Variants in ADCY5 observed in about 807,000 individuals in gnomAD.
ADCY5 encodes the protein adenylate cyclase type 5.
Under a neutral mutation model 119.7 loss-of-function variants are expected in ADCY5, and 30 were observed. The ratio of observed to expected loss-of-function variants is 0.25; its 90% CI spans 0.19 to 0.34. The LOEUF is 0.34. Among genes scored for constraint, ADCY5 ranks in the 10% least tolerant of loss-of-function variants. The probability of loss-of-function intolerance (pLI) is 1.00; values close to 1 mark genes in which losing one functional copy is unlikely to be tolerated. For synonymous variants in ADCY5, 753 were observed against 762.2 expected, an observed-to-expected ratio of 0.99 and a Z score of 0.20; for missense variants, 1,324 against 1,775.2, an observed-to-expected ratio of 0.75 and a Z score of 4.57.
intron 1 of ADCY5, among the ~76,000 whole-genome samples, chr3:123,389,701 A>G (rs937555779): frequency 6.6e-6 from 1 of 152,156 alleles, no homozygotes; most frequent in Non-Finnish European, 1.5e-5. Context: ...AGAAAAACCT[A>G]TAACTTTCCC....
Position 123,289,877 on chromosome 3 carries a change from G to A in ADCY5, c.3405C>T (p.Leu1135=), listed in dbSNP as rs1939034089. 1 of 1,614,112 alleles carries A rather than the reference G, an allele frequency of 6.2e-7. No individual in the cohort carries two copies. Among genetic ancestry groups the A allele is most frequent in the African/African-American group, 1.3e-5 (1 of 74,934 alleles). The change falls in exon 19 of 21, where the codon CTC becomes CTT. Residue 1135 remains leucine (L), a synonymous_variant. Transcript: ENST00000462833. ...CCACCTTGTCGTAGGTAGAGTCGTT[G>A]AGGCCGGAGGCAGCCATGTAGGTGC... ...IGSTYMAASG[L]NDSTYDKVGK... is the part of the protein sequence containing the mutation.
At chr3:123,393,564 T>TTAAAATAAAATAAAATAAAA (rs58733977) in intron 1 of ADCY5, among the ~76,000 whole-genome samples, 4,179 of 143,466 alleles carry the variant, frequency 0.029, 138 homozygotes, top group East Asian at 0.083. Context: ...TTCTAAAAAA[T>TTAAAATAAAATAAAATAAAA]TAAAATAAAA....
At chr3:123,304,756 C>A (rs1940106516) in intron 12 of ADCY5, among the ~76,000 whole-genome samples, 1 of 152,150 alleles carries the variant, frequency 6.6e-6, no homozygotes, top group Non-Finnish European at 1.5e-5. Flanking sequence ...CCATTTCCCT[C>A]ATTCTCTCCT....
intron 3 of ADCY5, among the ~76,000 whole-genome samples, chr3:123,333,888 AC>A (rs1941898975): frequency 6.6e-6 from 1 of 152,094 alleles, no homozygotes; most frequent in Non-Finnish European, 1.5e-5. Context: ...CCTACAAGAA[AC>A]ACAGTAAAAG....
intron 1 of ADCY5, among the ~76,000 whole-genome samples, chr3:123,399,686 T>C (rs921200794): frequency 3.9e-5 from 6 of 152,232 alleles, no homozygotes; most frequent in African/African-American, 1.2e-4. Flanking sequence ...CCTCCAATTA[T>C]TTCTGGAACA....
rs568773670 is a variant in ADCY5, at chr3:123,338,672, C to T, written c.1407-5997G>A. 1.1e-4 allele frequency among the ~76,000 whole-genome samples: 17 copies of T among 152,350 alleles called. No homozygotes were observed. In the South Asian group the frequency reaches 3.5e-3, roughly 32 times the overall value. Reference sequence around the variant, plus strand: ...GGCCACCCTGGCTGTGCACGCTTCCCTAATTGCCTGCCATCCATCACTCAC... The same window carrying T: ...GGCCACCCTGGCTGTGCACGCTTCCTTAATTGCCTGCCATCCATCACTCAC... On this transcript the variant is annotated intron_variant, in intron 3 of 20. Transcript: ENST00000462833.
At chr3:123,367,949 G>C in intron 1 of ADCY5, 1 of 1,535,902 alleles carries the variant, frequency 6.5e-7, no homozygotes, top group Non-Finnish European at 8.7e-7. Flanking sequence ...TCTTCCGTGG[G>C]ACAGGCCTGG....
chr3:123,396,395 GA>G (rs1165895938), intron 1 of ADCY5, among the ~76,000 whole-genome samples: 1 of 114,678 alleles, frequency 8.7e-6, no homozygotes, highest in African/African-American at 3.4e-5. Context: ...GGGAAAGAGA[GA>G]AAAAGAAAGA....
Position 123,430,472 on chromosome 3 carries a change from G to A in ADCY5, c.1134+16940C>T, listed in dbSNP as rs112033456. ...GCCAGTGAAATCACCCCGAGGCCTC[G>A]GAGAAGGAGGACCGAAATCAGCCCC... On this transcript the variant is annotated intron_variant, in intron 1 of 20. Transcript: ENST00000462833. 3.0e-4 allele frequency among the ~76,000 whole-genome samples: 45 copies of A among 152,284 alleles called. 3 individuals are homozygous for A. The highest frequency in any genetic ancestry group is 1.0e-3 in the African/African-American group (42 of 41,550).
At chr3:123,396,047 AGAGAGGGAGGGAGGGTGGGAGG>A in intron 1 of ADCY5, among the ~76,000 whole-genome samples, 5 of 76,288 alleles carry the variant, frequency 6.6e-5, no homozygotes, top group Admixed American at 1.3e-4. Flanking sequence ...GGAGGGAGGG[AGAGAGGGAGGGAGGGTGGGAGG>A]GAGAGGGAGG....
chr3:123,420,781 C>T (rs766998639), intron 1 of ADCY5, among the ~76,000 whole-genome samples: 6 of 152,190 alleles, frequency 3.9e-5, no homozygotes, highest in Admixed American at 1.3e-4. Context: ...GCATAAACAA[C>T]GGAAATCTAT....
intron 2 of ADCY5, among the ~76,000 whole-genome samples, chr3:123,349,266 C>T (rs1269878595): frequency 6.6e-6 from 1 of 152,212 alleles, no homozygotes; most frequent in Non-Finnish European, 1.5e-5. Flanking sequence ...CCAGTGCCAA[C>T]ATCCTGCCCA....
At chr3:123,387,284 T>C (rs1320902418) in intron 1 of ADCY5, among the ~76,000 whole-genome samples, 1 of 152,202 alleles carries the variant, frequency 6.6e-6, no homozygotes, top group Non-Finnish European at 1.5e-5. Context: ...TTTTAATACA[T>C]TTACCTCCTT....
rs563265766 is a variant in ADCY5, at chr3:123,286,868, C to A, written c.3533-59G>T. 5 of 1,527,706 alleles carry A rather than the reference C, an allele frequency of 3.3e-6. No homozygotes were observed. The African/African-American group carries it at 6.9e-5, about 21-fold the overall frequency. The allele number at this position is 1,527,706 out of a possible 1,614,324, so 94.6% of individuals were successfully genotyped here. On this transcript the variant is annotated intron_variant, in intron 19 of 20. Coordinates refer to ENST00000462833, the MANE Select transcript of ADCY5 (RefSeq NM_183357.3). The surrounding 1 kb of genome is among the most constrained non-coding windows in gnomAD (Gnocchi z 4.2). ...ATCTCTGGCTTGACCTTGCCACCAT[C>A]TGTCTCCCCACATGCTGCAGGTCCT...
Position 123,300,175 on chromosome 3 carries a change from C to G in ADCY5, c.2845G>C (p.Val949Leu). ...TTGTCGAAGAGCGTGACACCTGGCA[C>G]CTCCACGATGAGCACGTAGATGAGC... ...IELIYVLIVE[V>L]PGVTLFDNAD... is the part of the protein sequence containing the mutation. The change falls in exon 15 of 21, where the codon GTG becomes CTG. Residue 949 changes from valine to leucine, a missense_variant. Val to Leu is a conservative substitution (Grantham distance 32, BLOSUM62 1). This residue lies in a region of ADCY5 where 424 missense variants were observed against 546.8 expected (regional missense o/e 0.78). Transcript: ENST00000462833. The G allele has an allele frequency of 6.2e-7, 1 of 1,613,888 alleles. No homozygotes were observed. Among genetic ancestry groups the G allele is most frequent in the South Asian group, 1.1e-5 (1 of 91,082 alleles).
chr3:123,375,405 A>G (rs1943790619), intron 1 of ADCY5, among the ~76,000 whole-genome samples: 1 of 152,268 alleles, frequency 6.6e-6, no homozygotes, highest in Non-Finnish European at 1.5e-5. Flanking sequence ...GGGCACTGGC[A>G]GGGCATGCTT....
At chr3:123,325,190 C>G (rs778363050) in intron 8 of ADCY5, 132 bp downstream of exon 8, 6 of 1,237,744 alleles carry the variant, frequency 4.8e-6, no homozygotes, top group Non-Finnish European at 6.7e-6. Flanking sequence ...TGGGGCAAAC[C>G]GCACTTGTAT....
At chr3:123,287,825 G>A (rs1352690751) in intron 19 of ADCY5, among the ~76,000 whole-genome samples, 1 of 152,138 alleles carries the variant, frequency 6.6e-6, no homozygotes, top group African/African-American at 2.4e-5. Flanking sequence ...TGTAGGAGGG[G>A]AGCTGCCACA....
At chr3:123,328,862 G>A (rs1941621366) in intron 5 of ADCY5, 60 bp from the exon 6 acceptor site, 7 of 1,547,104 alleles carry the variant, frequency 4.5e-6, no homozygotes, top group Non-Finnish European at 6.2e-6. Context: ...ACAGAATGGG[G>A]GTGAGGCTGC....
Sources: allele counts gnomAD v4.1 joint callset (sites outside exome capture counted in the v4.1 genomes callset), GRCh38; gene constraint gnomAD v4.1.1; regional missense constraint gnomAD v4.1.1; non-coding constraint Gnocchi (gnomAD v3.1); transcripts MANE v1.5; gene names NCBI Gene and HGNC (gene_info 2026-07-23, HGNC 2026-07-21).